ARFGEF2: variants seen among roughly 807,000 people sequenced by gnomAD.
The protein encoded by ARFGEF2 is ARF guanine nucleotide exchange factor 2.
Under a neutral mutation model 219.9 loss-of-function variants are expected in ARFGEF2, and 74 were observed. The ratio of observed to expected loss-of-function variants is 0.34; its 90% confidence interval spans 0.28 to 0.41. The LOEUF (loss-of-function observed/expected upper bound fraction) is 0.41. ARFGEF2 is among the 10% of genes least tolerant of loss of function. The pLI, the probability that ARFGEF2 is intolerant of heterozygous loss-of-function variation, is 1.00. For synonymous variants in ARFGEF2, 733 were observed against 799.2 expected, an observed-to-expected ratio of 0.92 and a Z score of 1.40; for missense variants, 1,743 against 2,218.3, an observed-to-expected ratio of 0.79 and a Z score of 4.30.
chr20:48,974,354 C>T (rs1434033182), intron 12 of ARFGEF2, among the ~76,000 whole-genome samples: 1 of 152,014 alleles, frequency 6.6e-6, no homozygotes, highest in Admixed American at 6.6e-5. Context: ...TCAGGTGGTC[C>T]ACCCACCTCA....
At chr20:49,027,399 G>A (rs1481051732) in intron 36 of ARFGEF2, among the ~76,000 whole-genome samples, 1 of 152,128 alleles carries the variant, frequency 6.6e-6, no homozygotes, top group African/African-American at 2.4e-5. Context: ...AATAAGCAAA[G>A]TCTAAATGGA....
chr20:48,952,962 T>C (rs1008641103), intron 5 of ARFGEF2, 78 bp downstream of exon 5: 13 of 1,475,996 alleles, frequency 8.8e-6, no homozygotes, highest in Middle Eastern at 1.8e-4. Context: ...TTGGTGCCTG[T>C]GAAGAATCAC....
intron 20 of ARFGEF2, 132 bp downstream of exon 20, chr20:48,989,816 C>T: frequency 7.4e-7 from 1 of 1,353,646 alleles, no homozygotes; most frequent in Non-Finnish European, 1.0e-6. Context: ...TGCCTACTGA[C>T]AAGAAATCCG....
intron 25 of ARFGEF2, among the ~76,000 whole-genome samples, chr20:49,002,162 C>CCG (rs1161218852): frequency 6.6e-6 from 1 of 152,080 alleles, no homozygotes; most frequent in African/African-American, 2.4e-5. Context: ...ATCTCGAACC[C>CCG]GGGGGGTGGA....
chr20:48,988,273 G>T, intron 16 of ARFGEF2, 31 bp from the exon 17 acceptor site: 1 of 1,533,596 alleles, frequency 6.5e-7, no homozygotes, highest in South Asian at 1.1e-5. Flanking sequence ...GCATCACCAT[G>T]AATATTGATG....
chr20:48,938,862 T>C (rs1437814421), intron 1 of ARFGEF2, among the ~76,000 whole-genome samples: 3 of 152,142 alleles, frequency 2.0e-5, no homozygotes, highest in African/African-American at 4.8e-5. Context: ...GGGGGTCCTG[T>C]CATTCTTTGA....
intron 26 of ARFGEF2, among the ~76,000 whole-genome samples, chr20:49,009,219 GACATGTTT>G (rs1343351655): frequency 1.3e-5 from 2 of 152,156 alleles, no homozygotes; most frequent in Non-Finnish European, 2.9e-5. Context: ...ATCTGCAGGT[GACATGTTT>G]ACTTTGTGAA....
intron 14 of ARFGEF2, among the ~76,000 whole-genome samples, chr20:48,977,350 C>G (rs1422077037): frequency 6.6e-6 from 1 of 152,156 alleles, no homozygotes; most frequent in African/African-American, 2.4e-5. Context: ...TGTATATGTG[C>G]CACATTTTCT....
At chr20:48,990,836 A>T (rs1043647170) in intron 20 of ARFGEF2, among the ~76,000 whole-genome samples, 13 of 152,234 alleles carry the variant, frequency 8.5e-5, no homozygotes, top group Non-Finnish European at 1.5e-4. Context: ...CTTCTCAAAC[A>T]TGTGGCAGTG....
chr20:49,031,008 G>A (rs184727883), intron 37 of ARFGEF2, among the ~76,000 whole-genome samples: 224 of 152,054 alleles, frequency 1.5e-3, no homozygotes, highest in Non-Finnish European at 2.7e-3. Flanking sequence ...AAAAAAAAGA[G>A]ATATGTAAAT....
chr20:49,023,302 A>G (rs2091578052), intron 35 of ARFGEF2, 121 bp downstream of exon 35: 1 of 1,349,510 alleles, frequency 7.4e-7, no homozygotes, highest in Non-Finnish European at 1.0e-6. Flanking sequence ...TCTCTTTCCA[A>G]CCTCACATTC....
At chr20:49,029,867 A>G (rs2123579632) in intron 37 of ARFGEF2, among the ~76,000 whole-genome samples, 1 of 148,068 alleles carries the variant, frequency 6.8e-6, no homozygotes, top group South Asian at 2.1e-4. Flanking sequence ...TGCTGGGATT[A>G]CAGGCATGAG....
chr20:48,998,151 C>A, intron 23 of ARFGEF2, 42 bp from the exon 24 acceptor site: 1 of 1,601,012 alleles, frequency 6.2e-7, no homozygotes, highest in Non-Finnish European at 8.6e-7. Context: ...TGAGCCACCA[C>A]ACCCGGTCTA....
chr20:48,951,417 G>A lies in ARFGEF2; in HGVS notation c.371G>A (p.Ser124Asn), dbSNP rs772035972. The part of the protein sequence containing the change: ...LIDRIVETIC[S>N]CFQGPQTDEG... ...GACAGAATTGTTGAAACCATTTGCA[G>A]TTGTTTTCAGGGCCCTCAGACTGAT... Residue 124 changes from serine to asparagine, a missense_variant, in exon 4 of 39, where the codon AGT becomes AAT. This residue lies in a region of ARFGEF2 where 394 missense variants were observed against 426.6 expected (regional missense o/e 0.92). Transcript: ENST00000371917. The A allele has an allele frequency of 1.9e-6, 3 of 1,614,218 alleles. No individual in the cohort carries two copies. The highest frequency in any genetic ancestry group is 8.5e-7 in the Non-Finnish European group (1 of 1,180,048).
At chr20:49,018,150 C>G (rs2091542370) in intron 33 of ARFGEF2, among the ~76,000 whole-genome samples, 1 of 152,172 alleles carries the variant, frequency 6.6e-6, no homozygotes, top group Non-Finnish European at 1.5e-5. Context: ...ACTTTTATTC[C>G]TAAGTGACTC....
chr20:48,969,901 C>T (rs776091535), intron 9 of ARFGEF2, among the ~76,000 whole-genome samples: 46 of 152,306 alleles, frequency 3.0e-4, no homozygotes, highest in Admixed American at 5.2e-4. Context: ...AATGAAATAT[C>T]GGTGTTGTCC....
intron 31 of ARFGEF2, among the ~76,000 whole-genome samples, chr20:49,016,664 TC>T (rs2091532825): frequency 6.6e-6 from 1 of 152,220 alleles, no homozygotes; most frequent in South Asian, 2.1e-4. Context: ...ATTATACTGT[TC>T]TTTTTACTTT....
intron 8 of ARFGEF2, among the ~76,000 whole-genome samples, 195 bp from the exon 9 acceptor site, chr20:48,968,947 CTTTTG>C (rs941500808): frequency 4.6e-5 from 7 of 152,044 alleles, no homozygotes; most frequent in Non-Finnish European, 8.8e-5. Context: ...TAAGAGTTAG[CTTTTG>C]TTTTGTCCTC....
At position 49,033,154 on chromosome 20, in the gene ARFGEF2, A is replaced by G; in HGVS notation, c.5313A>G (p.Pro1771=). 1 of 1,614,254 alleles carries G rather than the reference A, an allele frequency of 6.2e-7. No individual in the cohort carries two copies. Among genetic ancestry groups the G allele is most frequent in the Middle Eastern group, 1.6e-4 (1 of 6,062 alleles). Reference sequence around the variant, plus strand: ...GTGTTGTGTATAAGATATGGATACCAGAAGAGCCATCACAGGTACCAGCAG... The same window carrying G: ...GTGTTGTGTATAAGATATGGATACCGGAAGAGCCATCACAGGTACCAGCAG... ...RIGVVYKIWI[P]EEPSQVPAAL... is the part of the protein sequence containing the mutation. The change falls in exon 39 of 39, where the codon CCA becomes CCG. Residue 1771 remains proline (P), a synonymous_variant. Transcript: ENST00000371917.
Sources: gnomAD v4.1 joint callset for allele counts (sites outside exome capture counted in the v4.1 genomes callset) on GRCh38, gnomAD v4.1.1 for gene constraint, gnomAD v4.1.1 regional missense constraint, MANE v1.5 for transcripts, NCBI Gene and HGNC (gene_info 2026-07-23, HGNC 2026-07-21) for gene names.